Variants in ACACA observed in about 807,000 individuals in gnomAD.
The protein encoded by ACACA is acetyl-CoA carboxylase 1.
A neutral mutation model predicts 296.1 loss-of-function variants in ACACA; 103 were observed. That is an observed-to-expected ratio of 0.35 (90% CI 0.30 to 0.41). The LOEUF (loss-of-function observed/expected upper bound fraction) is 0.41, where lower values mean the gene tolerates loss of function less well. Ranked by LOEUF, ACACA falls within the 10% of genes least tolerant of loss-of-function variation. The pLI is 1.00. For missense variants in ACACA, 1,554 were observed against 2,989.7 expected (o/e 0.52, Z 11.20); for synonymous variants, 953 against 1,038.6 (o/e 0.92, Z 1.58).
At chr17:37,167,405 G>A (rs986926082) in intron 41 of ACACA, among the ~76,000 whole-genome samples, 28 of 150,500 alleles carry the variant, frequency 1.9e-4, no homozygotes, top group Admixed American at 3.3e-4. Flanking sequence ...TGCAACCTCC[G>A]CCTCTCAGGT....
intron 45 of ACACA, chr17:37,140,938 A>G: frequency 3.1e-6 from 1 of 324,196 alleles, no homozygotes; most frequent in South Asian, 2.8e-5. Flanking sequence ...GCCACCTGTC[A>G]CCTTGCAAGG....
chr17:37,252,033 C>T lies in ACACA; in HGVS notation c.2053G>A (p.Val685Ile), dbSNP rs564525100. 1.7e-5 allele frequency: 28 copies of T among 1,614,158 alleles called. 1 individual carries two copies. The highest frequency in any genetic ancestry group is 1.6e-4 in the South Asian group (15 of 91,086). Residue 685 changes from valine (V) to isoleucine (I), a missense_variant, in exon 16 of 56, where the codon GTC becomes ATC. Val to Ile is a conservative substitution (Grantham distance 29). This residue lies in a region of ACACA where 316 missense variants were observed against 540.9 expected (regional missense o/e 0.58). Coordinates refer to ENST00000616317, the MANE Select transcript of ACACA (RefSeq NM_198834.3). ...TCTAAGGAGTGAAGGAAGTTAGAGA[C>T]GCTATTCCGCAGGCTCACATCTGCC... ...HVADVSLRNS[V>I]SNFLHSLERG...
chr17:37,333,132 G>T (rs1301052215), intron 2 of ACACA, among the ~76,000 whole-genome samples: 1 of 152,094 alleles, frequency 6.6e-6, no homozygotes, highest in African/African-American at 2.4e-5. Flanking sequence ...CCCTCACTCA[G>T]GCACTAGAAT....
rs1014194036 is a variant in ACACA at position 37,224,228 on chromosome 17, T to C, written c.3475-627A>G. ...GAAAAATTAAATAAAATAAATATTG[T>C]CTCAATACTCCACTATGGTAAACCC... On this transcript the variant is annotated intron_variant, in intron 27 of 55. Transcript: ENST00000616317. Among the ~76,000 whole-genome samples the C allele has an allele frequency of 4.6e-5, 7 of 152,168 alleles. No individual in the cohort carries two copies. In the East Asian group the frequency reaches 1.4e-3, roughly 29 times the overall value.
intron 3 of ACACA, among the ~76,000 whole-genome samples, chr17:37,307,882 C>T (rs1045456747): frequency 6.6e-6 from 1 of 151,934 alleles, no homozygotes; most frequent in Non-Finnish European, 1.5e-5. Context: ...GCCACTGTGC[C>T]CAGTCATAAG....
At chr17:37,129,632 G>GT in intron 46 of ACACA, 147 bp from the exon 47 acceptor site, 1 of 1,085,972 alleles carries the variant, frequency 9.2e-7, no homozygotes, top group Non-Finnish European at 1.4e-6. Context: ...AGAATCCTAC[G>GT]TATGTGCCAG....
At chr17:37,193,589 T>A in intron 35 of ACACA, 174 bp from the exon 36 acceptor site, 1 of 490,726 alleles carries the variant, frequency 2.0e-6, no homozygotes, top group Non-Finnish European at 3.7e-6. Flanking sequence ...ACCATCACTT[T>A]GACCCCATTT....
At chr17:37,116,570 T>C (rs898225901) in intron 50 of ACACA, among the ~76,000 whole-genome samples, 10 of 152,166 alleles carry the variant, frequency 6.6e-5, no homozygotes, top group African/African-American at 1.9e-4. Context: ...AAAGCTGACA[T>C]GTTTGGGACT....
At chr17:37,131,369 G>A (rs945209360) in intron 45 of ACACA, among the ~76,000 whole-genome samples, 2 of 152,128 alleles carry the variant, frequency 1.3e-5, no homozygotes, top group Non-Finnish European at 2.9e-5. Flanking sequence ...GATGGAAGCC[G>A]GGCAGCCTGA....
chr17:37,141,330 G>A, intron 45 of ACACA: 1 of 487,704 alleles, frequency 2.1e-6, no homozygotes, highest in Non-Finnish European at 4.0e-6. Context: ...CATGAGCTCT[G>A]TGGGGCCCAG....
In ACACA at chr17:37,205,794, C is replaced by G; in HGVS notation, c.4027G>C (p.Ala1343Pro). The G allele has an allele frequency of 6.2e-7, 1 of 1,613,702 alleles. No individual in the cohort carries two copies. The highest frequency in any genetic ancestry group is 1.1e-5 in the South Asian group (1 of 91,080). Reference protein sequence around the residue: ...DCDIEDDRLAAMFREFTQQNK... With the variant: ...DCDIEDDRLAPMFREFTQQNK... ...TGCTGGGTAAATTCTCTGAACATAG[C>G]TGCCAGCCTGTCATCCTCAATATCA... Residue 1343 changes from alanine to proline, a missense_variant, in exon 33 of 56, where the codon GCT (alanine) becomes CCT (proline). Around this residue, in one of 16 missense-constraint regions of ACACA, gnomAD observed 179 missense variants for 283.2 expected, o/e 0.63. Transcript: ENST00000616317.
At chr17:37,125,882 G>T in intron 47 of ACACA, 88 bp from the exon 48 acceptor site, 1 of 1,212,056 alleles carries the variant, frequency 8.3e-7, no homozygotes, top group East Asian at 2.5e-5. Flanking sequence ...GGTGGTTTGG[G>T]GGATTATTTT....
chr17:37,126,480 C>G (rs567052087), intron 47 of ACACA, among the ~76,000 whole-genome samples: 41 of 152,088 alleles, frequency 2.7e-4, no homozygotes, highest in Middle Eastern at 3.4e-3. Context: ...TGGCAAGACC[C>G]AAAATTTTCA....
chr17:37,145,135 G>A (rs1409652608), intron 45 of ACACA, among the ~76,000 whole-genome samples: 4 of 152,088 alleles, frequency 2.6e-5, no homozygotes, highest in Non-Finnish European at 5.9e-5. Flanking sequence ...ACCAGGAAAG[G>A]GAGAAAAAAA....
At chr17:37,386,237 T>C (rs2050523025) in intron 1 of ACACA, 1 of 667,972 alleles carries the variant, frequency 1.5e-6, no homozygotes, top group Non-Finnish European at 2.5e-6. Context: ...GATATTTTTC[T>C]TGAGGTTGAG....
At chr17:37,264,483 A>G (rs2081655746) in intron 10 of ACACA, among the ~76,000 whole-genome samples, 1 of 152,114 alleles carries the variant, frequency 6.6e-6, no homozygotes, top group South Asian at 2.1e-4. Context: ...TTTATTCCTC[A>G]GCTGGTTTAA....
intron 29 of ACACA, among the ~76,000 whole-genome samples, chr17:37,216,159 A>ACACACCC (rs1598205866): frequency 1.8e-3 from 160 of 90,866 alleles, no homozygotes; most frequent in African/African-American, 5.8e-3. Flanking sequence ...CACACACACA[A>ACACACCC]CATACACATG....
At chr17:37,100,744 T>C (rs1465686731) in intron 52 of ACACA, among the ~76,000 whole-genome samples, 1 of 152,070 alleles carries the variant, frequency 6.6e-6, no homozygotes, top group Non-Finnish European at 1.5e-5. Flanking sequence ...GATAAATGTA[T>C]TGTGGTTATG....
rs562560606 is a variant in ACACA at position 37,250,315 on chromosome 17, G to A, written c.2082-1641C>T. Among the ~76,000 whole-genome samples, 4 of 152,256 alleles carry A rather than the reference G, an allele frequency of 2.6e-5. No individual in the cohort carries two copies. The South Asian group carries it at 8.3e-4, about 32-fold the overall frequency. On this transcript the variant is annotated intron_variant, in intron 16 of 55. Transcript: ENST00000616317. ...ATCTTTTTTGTGCCTTTTGAATTTT[G>A]AACCACATGAATGTGTTAACTGTTC...
Sources: allele counts gnomAD v4.1 joint callset (sites outside exome capture counted in the v4.1 genomes callset), GRCh38; gene constraint gnomAD v4.1.1; regional missense constraint gnomAD v4.1.1; transcripts MANE v1.5; gene names NCBI Gene and HGNC (gene_info 2026-07-23, HGNC 2026-07-21).